CABIN1: variants seen among roughly 807,000 people sequenced by gnomAD.
CABIN1 encodes calcineurin-binding protein cabin-1.
In CABIN1, 133 loss-of-function variants were observed where a neutral mutation model predicts 227.7. That is an observed-to-expected ratio of 0.58 (90% CI 0.51 to 0.67). The LOEUF (loss-of-function observed/expected upper bound fraction) is 0.67, where lower values mean the gene tolerates loss of function less well. Ranked by LOEUF, CABIN1 falls within the 30% of genes least tolerant of loss-of-function variation. The pLI, the probability that CABIN1 is intolerant of heterozygous loss-of-function variation, is 0.00. For missense variants in CABIN1, 2,408 were observed against 2,852.5 expected, an observed-to-expected ratio of 0.84 and a Z score of 3.55; for synonymous variants, 1,086 against 1,155.1, an observed-to-expected ratio of 0.94 and a Z score of 1.21.
Position 24,113,615 on chromosome 22 carries a change from G to A in CABIN1, c.4167G>A (p.Thr1389=), listed in dbSNP as rs374980657. 9 of 1,614,122 alleles carry A rather than the reference G, an allele frequency of 5.6e-6. No homozygotes were observed. Among genetic ancestry groups the A allele is most frequent in the African/African-American group, 2.7e-5 (2 of 75,010 alleles). Reference sequence around the variant, plus strand: ...TAGCACTCTCAGACTCTAGCTCAACGCAGGACTTCTTTAATGAGCCCACCA... The same window carrying A: ...TAGCACTCTCAGACTCTAGCTCAACACAGGACTTCTTTAATGAGCCCACCA... ...TAVALSDSSS[T]QDFFNEPTSL... The change falls in exon 27 of 37, where the codon ACG becomes ACA. Residue 1389 remains threonine, a synonymous_variant. Coordinates refer to ENST00000263119, the MANE Select transcript of CABIN1 (RefSeq NM_012295.4).
At chr22:24,175,273 A>G (rs933924932) in intron 34 of CABIN1, among the ~76,000 whole-genome samples, 39 of 152,286 alleles carry the variant, frequency 2.6e-4, no homozygotes, top group African/African-American at 9.4e-4. Context: ...ATGGCCGCTG[A>G]GGCCTCTGCC....
intron 28 of CABIN1, among the ~76,000 whole-genome samples, chr22:24,120,166 G>A (rs192653099): frequency 1.5e-4 from 23 of 152,310 alleles, no homozygotes; most frequent in Admixed American, 1.2e-3. Flanking sequence ...GCTGCATATT[G>A]CAGGGGCCTC....
rs780344448 is a variant in CABIN1 at position 24,042,920 on chromosome 22, C to A, written c.362C>A (p.Ser121Tyr). Residue 121 changes from serine to tyrosine, a missense_variant, in exon 6 of 37, where the codon TCC becomes TAC. Physicochemically the swap from Ser to Tyr is moderately radical, Grantham distance 144. Transcript: ENST00000263119. ...CGCTTCCAGGCAGTGATGCTGGACT[C>A]CACAGATGTCAACCTCTGGTATAAG... ...EFYLEAVMLDSTDVNLWYKIG... is the reference protein window; with the variant it reads ...EFYLEAVMLDYTDVNLWYKIG... 1.9e-6 allele frequency: 3 copies of A among 1,589,042 alleles called. No homozygotes were observed. The highest frequency in any genetic ancestry group is 3.4e-5 in the Admixed American group (2 of 58,536).
At position 24,038,376 on chromosome 22, in the gene CABIN1, A is replaced by G. The variant is rs1287894428; in HGVS notation, c.125A>G (p.Lys42Arg). 3 of 1,613,964 alleles carry G rather than the reference A, an allele frequency of 1.9e-6. No homozygotes were observed. Among genetic ancestry groups the G allele is most frequent in the South Asian group, 2.2e-5 (2 of 91,086 alleles). ...GCAGAGGCTTTTGCATTGTACCACA[A>G]GGCCCTTGATCTGCAGAAACATGAC... ...QEAEAFALYH[K>R]ALDLQKHDRF... Residue 42 changes from lysine to arginine, a missense_variant, in exon 4 of 37, where the codon AAG (lysine) becomes AGG (arginine). Transcript: ENST00000263119.
chr22:24,166,809 C>T lies in CABIN1; in HGVS notation c.5178C>T (p.Gly1726=). Residue 1726 remains glycine (G), a synonymous_variant, in exon 32 of 37, where the codon GGC becomes GGT. Coordinates refer to ENST00000263119, the MANE Select transcript of CABIN1 (RefSeq NM_012295.4). ...GPGPEPGGKV[G]LLNHRPVAMD... Reference sequence around the variant, plus strand: ...GGCCCGAGCCAGGAGGCAAAGTGGGCCTCCTCAACCACCGGCCTGTGGCCA... The same window carrying T: ...GGCCCGAGCCAGGAGGCAAAGTGGGTCTCCTCAACCACCGGCCTGTGGCCA... The T allele has an allele frequency of 1.2e-6, 2 of 1,613,036 alleles. No individual in the cohort carries two copies. The highest frequency in any genetic ancestry group is 1.7e-6 in the Non-Finnish European group (2 of 1,179,982).
chr22:24,072,541 G>A, intron 18 of CABIN1, 31 bp downstream of exon 18: 1 of 1,613,634 alleles, frequency 6.2e-7, no homozygotes, highest in Non-Finnish European at 8.5e-7. Flanking sequence ...GTGGGGATGA[G>A]CTCTGACTCC....
chr22:24,068,660 T>G (rs1048738294), intron 16 of CABIN1, among the ~76,000 whole-genome samples: 3 of 152,264 alleles, frequency 2.0e-5, no homozygotes, highest in Non-Finnish European at 4.4e-5. Flanking sequence ...TGCTTTTTTT[T>G]GTATATTAAA....
At chr22:24,052,267 GGCTCAGTA>G (rs1327950812) in intron 8 of CABIN1, among the ~76,000 whole-genome samples, 1 of 152,084 alleles carries the variant, frequency 6.6e-6, no homozygotes, top group African/African-American at 2.4e-5. Context: ...GAGGGAGTTA[GGCTCAGTA>G]GTTAAATTTG....
chr22:24,126,333 G>A lies in CABIN1; in HGVS notation c.4632+6635G>A, dbSNP rs566847978. ...GTGTGATTGTGACTATTTAGACAGGGAGATTGGGAAGACCTGTCTAAGCAA... is the reference window on the plus strand; with the variant it reads ...GTGTGATTGTGACTATTTAGACAGGAAGATTGGGAAGACCTGTCTAAGCAA... On this transcript the variant is annotated intron_variant, in intron 28 of 36. Transcript: ENST00000263119. 6.6e-5 allele frequency among the ~76,000 whole-genome samples: 10 copies of A among 152,310 alleles called. No individual in the cohort carries two copies. The East Asian group carries it at 1.7e-3, about 26-fold the overall frequency.
At chr22:24,060,962 A>G (rs1327468823) in intron 12 of CABIN1, among the ~76,000 whole-genome samples, 2 of 151,954 alleles carry the variant, frequency 1.3e-5, no homozygotes, top group East Asian at 1.9e-4. Context: ...CGATGTTAGG[A>G]TGTGGTCTTG....
At chr22:24,127,613 T>A (rs2043814308) in intron 28 of CABIN1, among the ~76,000 whole-genome samples, 1 of 152,184 alleles carries the variant, frequency 6.6e-6, no homozygotes, top group Non-Finnish European at 1.5e-5. Context: ...TCCACTTAGA[T>A]GAGGTATGAC....
chr22:24,063,224 G>A (rs2039325423), intron 14 of CABIN1, 78 bp downstream of exon 14: 7 of 1,342,774 alleles, frequency 5.2e-6, no homozygotes, highest in Non-Finnish European at 7.4e-6. Flanking sequence ...CATGTTGAGG[G>A]TGTGTGTGTG....
chr22:24,059,809 A>G, intron 11 of CABIN1, 115 bp from the exon 12 acceptor site: 1 of 926,688 alleles, frequency 1.1e-6, no homozygotes, highest in South Asian at 1.4e-5. Context: ...TATCATGTCC[A>G]CCTGGATCAG....
chr22:24,064,560 G>A (rs1386997127), intron 15 of CABIN1, among the ~76,000 whole-genome samples: 2 of 125,714 alleles, frequency 1.6e-5, no homozygotes, highest in Middle Eastern at 4.5e-3. Context: ...GGTGTTTCTC[G>A]CAGAGGGGGA....
chr22:24,094,002 C>T (rs1243399822), intron 24 of CABIN1, among the ~76,000 whole-genome samples: 3 of 152,234 alleles, frequency 2.0e-5, no homozygotes, highest in African/African-American at 4.8e-5. Context: ...CGCTCATTCG[C>T]GGCGTTGGAT....
At chr22:24,033,944 C>T (rs375416740) in intron 1 of CABIN1, among the ~76,000 whole-genome samples, 4 of 152,218 alleles carry the variant, frequency 2.6e-5, no homozygotes, top group Admixed American at 2.6e-4. Flanking sequence ...ACTAAACCAG[C>T]GGTTCCCATC....
intron 27 of CABIN1, among the ~76,000 whole-genome samples, 184 bp from the exon 28 acceptor site, chr22:24,119,183 G>A (rs1015997603): frequency 5.9e-5 from 9 of 152,310 alleles, no homozygotes; most frequent in East Asian, 5.8e-4. Context: ...GGGAGACCTC[G>A]GTTGGGGCAG....
chr22:24,153,462 C>A (rs981310110), intron 29 of CABIN1, among the ~76,000 whole-genome samples: 1 of 152,186 alleles, frequency 6.6e-6, no homozygotes, highest in African/African-American at 2.4e-5. Context: ...GCTCTTTGAG[C>A]CCAGAGAATC....
intron 27 of CABIN1, among the ~76,000 whole-genome samples, chr22:24,117,545 T>TGG (rs695452): frequency 2.1e-5 from 3 of 142,362 alleles, no homozygotes; most frequent in African/African-American, 7.6e-5. Flanking sequence ...TTTGTTTTTT[T>TGG]GGGGGGGGGG....
Sources: allele counts gnomAD v4.1 joint callset (sites outside exome capture counted in the v4.1 genomes callset), GRCh38; gene constraint gnomAD v4.1.1; transcripts MANE v1.5; gene names NCBI Gene and HGNC (gene_info 2026-07-23, HGNC 2026-07-21).